The following SIPA1L3 variants were observed in gnomAD, a reference collection of about 807,000 sequenced individuals.
SIPA1L3 encodes signal induced proliferation associated 1 like 3, also known as signal-induced proliferation-associated 1-like protein 3.
Under a neutral mutation model 150.1 loss-of-function variants are expected in SIPA1L3, and 59 were observed. That is an observed-to-expected ratio of 0.39 (90% CI 0.32 to 0.49). The LOEUF is 0.49. Among genes scored for constraint, SIPA1L3 ranks in the 20% least tolerant of loss-of-function variants. The probability of loss-of-function intolerance (pLI) is 0.86; values close to 1 mark genes in which losing one functional copy is unlikely to be tolerated. For missense variants in SIPA1L3, 2,211 were observed against 2,489.5 expected, an observed-to-expected ratio of 0.89 and a Z score of 2.38; for synonymous variants, 1,070 against 1,077.6, an observed-to-expected ratio of 0.99 and a Z score of 0.14.
intron 1 of SIPA1L3, among the ~76,000 whole-genome samples, chr19:37,923,066 G>A (rs1453524361): frequency 1.3e-5 from 2 of 151,840 alleles, no homozygotes; most frequent in Non-Finnish European, 2.9e-5. Context: ...GAACCCGGGA[G>A]GTGGAGCTTA....
At chr19:38,079,746 G>C (rs760046313) in intron 2 of SIPA1L3, among the ~76,000 whole-genome samples, 1 of 152,070 alleles carries the variant, frequency 6.6e-6, no homozygotes, top group Non-Finnish European at 1.5e-5. Context: ...AGTAGAGATG[G>C]GGTTTTGCCA....
chr19:38,115,929 A>G (rs1268419523), intron 8 of SIPA1L3, among the ~76,000 whole-genome samples: 1 of 152,200 alleles, frequency 6.6e-6, no homozygotes, highest in East Asian at 1.9e-4. Context: ...GAGTCCAGGA[A>G]GTGCTTGTCA....
At chr19:38,186,939 G>T (rs186023765) in intron 16 of SIPA1L3, among the ~76,000 whole-genome samples, 2 of 149,236 alleles carry the variant, frequency 1.3e-5, no homozygotes, top group African/African-American at 5.0e-5. Flanking sequence ...CCCAGGAGGC[G>T]GAGGTTGTGG....
At chr19:38,141,544 C>A in intron 11 of SIPA1L3, 109 bp downstream of exon 11, 3 of 1,190,246 alleles carry the variant, frequency 2.5e-6, no homozygotes, top group Non-Finnish European at 3.5e-6. Context: ...TCGCCTCAAG[C>A]TTTCGACCTT....
intron 16 of SIPA1L3, among the ~76,000 whole-genome samples, chr19:38,191,685 T>C (rs1211668887): frequency 4.6e-5 from 7 of 151,746 alleles, no homozygotes; most frequent in Non-Finnish European, 7.4e-5. Flanking sequence ...TGGTGGTGGG[T>C]GCCCCAATCC....
In SIPA1L3 at chr19:38,046,709, C is replaced by T. The variant is rs569868977; in HGVS notation, c.-311+17553C>T. Among the ~76,000 whole-genome samples, 2 of 152,194 alleles carry T rather than the reference C, an allele frequency of 1.3e-5. No homozygotes were observed. The highest frequency in any genetic ancestry group is 6.5e-5 in the Admixed American group (1 of 15,272). On this transcript the variant is annotated intron_variant, in intron 2 of 21. Transcript: ENST00000222345. This position sits in a 1 kb window ranked among gnomAD's most constrained non-coding sequence, Gnocchi z 5.6. ...CGGGTGTGGAGGGGCCCAGGTCCCCCGAGCAGCTCCTCTGACCCCGCAACC... is the reference window on the plus strand; with the variant it reads ...CGGGTGTGGAGGGGCCCAGGTCCCCTGAGCAGCTCCTCTGACCCCGCAACC...
intron 16 of SIPA1L3, among the ~76,000 whole-genome samples, chr19:38,187,770 A>G (rs10414253): frequency 0.66 from 97,943 of 147,462 alleles, 33,534 homozygotes; most frequent in African/African-American, 0.84. Flanking sequence ...TTTCAAGGCG[A>G]GTGGATCACC....
chr19:38,069,985 A>G (rs1354544249), intron 2 of SIPA1L3, among the ~76,000 whole-genome samples: 1 of 151,700 alleles, frequency 6.6e-6, no homozygotes, highest in Non-Finnish European at 1.5e-5. Flanking sequence ...CCAGACACCT[A>G]TATTTTTATA....
In SIPA1L3 at chr19:38,082,650, T is replaced by C; in HGVS notation, c.1085T>C (p.Val362Ala). 6.2e-7 allele frequency: 1 copy of C among 1,606,872 alleles called. No individual in the cohort carries two copies. Among genetic ancestry groups the C allele is most frequent in the South Asian group, 1.1e-5 (1 of 91,062 alleles). Residue 362 changes from valine to alanine, a missense_variant, in exon 3 of 22, where the codon GTG (valine) becomes GCG (alanine). Coordinates refer to ENST00000222345, the MANE Select transcript of SIPA1L3 (RefSeq NM_015073.3). ...LNEAAANRVS[V>A]SQRRNTTTGA... is the part of the protein sequence containing the mutation. ...GAGGCGGCCGCCAACAGGGTGTCGGTGTCGCAGCGGCGGAACACCACCACG... is the reference window on the plus strand; with the variant it reads ...GAGGCGGCCGCCAACAGGGTGTCGGCGTCGCAGCGGCGGAACACCACCACG...
At chr19:38,084,784 C>T (rs1970089565) in intron 3 of SIPA1L3, among the ~76,000 whole-genome samples, 1 of 151,702 alleles carries the variant, frequency 6.6e-6, no homozygotes. Context: ...GGATTACAGG[C>T]GCTCGCTATC....
At chr19:38,053,733 T>C (rs939660099) in intron 2 of SIPA1L3, among the ~76,000 whole-genome samples, 2 of 151,878 alleles carry the variant, frequency 1.3e-5, no homozygotes, top group African/African-American at 4.8e-5. Context: ...ATTTTTATTA[T>C]TTTTTATTTT....
rs974313807 is a variant in SIPA1L3, at chr19:38,042,886, A to C, written c.-311+13730A>C. 3.9e-5 allele frequency among the ~76,000 whole-genome samples: 6 copies of C among 152,346 alleles called. No individual in the cohort carries two copies. In the South Asian group the frequency reaches 6.2e-4, roughly 16 times the overall value. ...CAGCTACCCTGAAAGCCAGTAGTAA[A>C]GATGGCCTTTGGAATGTGTTGGAAT... On this transcript the variant is annotated intron_variant, in intron 2 of 21. Coordinates refer to ENST00000222345, the MANE Select transcript of SIPA1L3 (RefSeq NM_015073.3).
At chr19:38,095,987 G>A (rs1469153509) in intron 4 of SIPA1L3, among the ~76,000 whole-genome samples, 1 of 152,134 alleles carries the variant, frequency 6.6e-6, no homozygotes, top group South Asian at 2.1e-4. Flanking sequence ...GATTGACAGG[G>A]CAAAGCCCCC....
At chr19:38,073,569 C>T (rs1386870412) in intron 2 of SIPA1L3, among the ~76,000 whole-genome samples, 6 of 152,196 alleles carry the variant, frequency 3.9e-5, no homozygotes, top group Admixed American at 3.9e-4. Context: ...CCGTGTGTCA[C>T]TCGGGGTCCT....
At position 38,145,656 on chromosome 19, in the gene SIPA1L3, G is replaced by C. The variant is rs553888343; in HGVS notation, c.3533+2946G>C. Among the ~76,000 whole-genome samples, 311 of 152,100 alleles carry C rather than the reference G, an allele frequency of 2.0e-3. 3 individuals are homozygous for C. Among genetic ancestry groups the C allele is most frequent in the African/African-American group, 7.2e-3 (297 of 41,488 alleles). On this transcript the variant is annotated intron_variant, in intron 12 of 21. Coordinates refer to ENST00000222345, the MANE Select transcript of SIPA1L3 (RefSeq NM_015073.3). ...CAATATCAAAGCAAGAGGTTGACATGGGTACAGGCCTACAGCTTATTCAAA... is the reference window on the plus strand; with the variant it reads ...CAATATCAAAGCAAGAGGTTGACATCGGTACAGGCCTACAGCTTATTCAAA...
chr19:38,034,964 G>A (rs1027377183), intron 2 of SIPA1L3, among the ~76,000 whole-genome samples: 1 of 152,160 alleles, frequency 6.6e-6, no homozygotes, highest in Non-Finnish European at 1.5e-5. Context: ...CTCATGGCTG[G>A]GTGGCTCTGC....
chr19:38,045,713 G>T (rs1654338), intron 2 of SIPA1L3, among the ~76,000 whole-genome samples: 61,531 of 151,906 alleles, frequency 0.41, 14,079 homozygotes, highest in African/African-American at 0.63. Context: ...GAAGCTCGAC[G>T]GGGAGGATGA....
chr19:37,960,403 A>AT (rs60821140), intron 1 of SIPA1L3, among the ~76,000 whole-genome samples: 1,461 of 137,564 alleles, frequency 0.011, 38 homozygotes, highest in East Asian at 0.066. Context: ...CACTCAGCTA[A>AT]TTTTTTTTTT....
intron 15 of SIPA1L3, among the ~76,000 whole-genome samples, chr19:38,166,340 C>T (rs1486783157): frequency 1.3e-5 from 2 of 151,816 alleles, no homozygotes. Flanking sequence ...GCCTGTAGTC[C>T]CAGCTACTTG....
Sources: allele counts gnomAD v4.1 joint callset (sites outside exome capture counted in the v4.1 genomes callset), GRCh38; gene constraint gnomAD v4.1.1; non-coding constraint Gnocchi (gnomAD v3.1); transcripts MANE v1.5; gene names NCBI Gene and HGNC (gene_info 2026-07-23, HGNC 2026-07-21).